The following MYO3B variants were observed in gnomAD, a reference collection of about 807,000 sequenced individuals.
MYO3B encodes myosin-IIIb.
In MYO3B, 156 loss-of-function variants were observed where a neutral mutation model predicts 174.6. The ratio of observed to expected loss-of-function variants is 0.89; its 90% CI spans 0.78 to 1.02. The LOEUF is 1.02. Ranked by LOEUF, MYO3B falls within the 50% of genes least tolerant of loss-of-function variation. MYO3B has a pLI of 0.00. For missense variants in MYO3B, 1,632 were observed against 1,639.4 expected, an observed-to-expected ratio of 1.00 and a Z score of 0.08; for synonymous variants, 563 against 569.1, an observed-to-expected ratio of 0.99 and a Z score of 0.15.
chr2:170,384,407 T>G (rs2094358289), intron 12 of MYO3B, among the ~76,000 whole-genome samples: 1 of 152,200 alleles, frequency 6.6e-6, no homozygotes, highest in African/African-American at 2.4e-5. Context: ...TTCTTTACTT[T>G]CAATAGGTAT....
chr2:170,214,964 A>G, intron 5 of MYO3B, 136 bp downstream of exon 5: 51 of 634,496 alleles, frequency 8.0e-5, no homozygotes, highest in South Asian at 1.2e-4. Context: ...CACAAGCTGG[A>G]GGGGGTGGGG....
rs113951822 is a variant in MYO3B at position 170,495,580 on chromosome 2, TAA to T, written c.3015-3002_3015-3001del. Among the ~76,000 whole-genome samples the T allele has an allele frequency of 1.8e-3, 264 of 147,430 alleles. 2 individuals carry two copies. Among genetic ancestry groups the T allele is most frequent in the African/African-American group, 6.1e-3 (250 of 40,664 alleles). ...TGCCTATTTAGAAACTAACAGTTGC[TAA>T]AAAAAAAAACACCCACAGATGTCCG... On this transcript the variant is annotated intron_variant, in intron 25 of 34. Coordinates refer to ENST00000408978, the MANE Select transcript of MYO3B (RefSeq NM_138995.5).
At chr2:170,323,283 T>G (rs1259501770) in intron 7 of MYO3B, among the ~76,000 whole-genome samples, 1 of 152,242 alleles carries the variant, frequency 6.6e-6, no homozygotes, top group African/African-American at 2.4e-5. Context: ...TCTCAGCTCA[T>G]ACTCTATCGC....
At chr2:170,182,168 A>AT (rs892458724) in intron 1 of MYO3B, among the ~76,000 whole-genome samples, 2 of 151,932 alleles carry the variant, frequency 1.3e-5, no homozygotes, top group Non-Finnish European at 2.9e-5. Flanking sequence ...ATGTTTATCA[A>AT]TTTTTTTCTT....
intron 24 of MYO3B, among the ~76,000 whole-genome samples, chr2:170,464,727 C>A (rs993143947): frequency 3.9e-5 from 6 of 152,138 alleles, no homozygotes; most frequent in African/African-American, 1.2e-4. Flanking sequence ...CCTCATCATT[C>A]TGATGTTTGG....
chr2:170,418,911 G>T (rs2094598084), intron 22 of MYO3B, among the ~76,000 whole-genome samples: 1 of 152,280 alleles, frequency 6.6e-6, no homozygotes, highest in East Asian at 1.9e-4. Flanking sequence ...AAGGTAACTA[G>T]AGAGCAAGAG....
At chr2:170,544,090 C>A in intron 32 of MYO3B, 102 bp downstream of exon 32, 1 of 896,130 alleles carries the variant, frequency 1.1e-6, no homozygotes, top group Non-Finnish European at 1.7e-6. Context: ...AGTAATATGA[C>A]CAAATGTTGG....
intron 14 of MYO3B, 142 bp downstream of exon 14, chr2:170,387,450 T>A: frequency 1.2e-6 from 1 of 800,582 alleles, no homozygotes; most frequent in Non-Finnish European, 1.9e-6. Flanking sequence ...AAGCAAAGGA[T>A]CAGTGGTAGT....
rs371300204 is a variant in MYO3B at position 170,501,805 on chromosome 2, C to G, written c.3310C>G (p.Arg1104Gly). 2 of 1,611,546 alleles carry G rather than the reference C, an allele frequency of 1.2e-6. No individual in the cohort carries two copies. Among genetic ancestry groups the G allele is most frequent in the East Asian group, 2.2e-5 (1 of 44,846 alleles). Reference protein sequence around the residue: ...IQSAWRGYDARRKFKKISNRR... With the variant: ...IQSAWRGYDAGRKFKKISNRR... ...TTTAGCCTGGAGAGGATATGATGCT[C>G]GGAGGAAATTTAAGAAAATAAGCAA... is the stretch of plus-strand genomic sequence containing the variant. The change falls in exon 28 of 35, where the codon CGG (arginine) becomes GGG (glycine). Residue 1104 changes from arginine (R) to glycine (G), a missense_variant. Coordinates refer to ENST00000408978, the MANE Select transcript of MYO3B (RefSeq NM_138995.5).
chr2:170,580,371 C>CT (rs1160540449), intron 32 of MYO3B, among the ~76,000 whole-genome samples: 1 of 152,218 alleles, frequency 6.6e-6, no homozygotes, highest in Non-Finnish European at 1.5e-5. Flanking sequence ...GGCACAGTGG[C>CT]TCATGCCTGT....
intron 32 of MYO3B, among the ~76,000 whole-genome samples, chr2:170,651,202 A>G (rs1376508308): frequency 2.6e-5 from 4 of 151,832 alleles, no homozygotes; most frequent in Non-Finnish European, 5.9e-5. Context: ...TTTGCTTCTC[A>G]CCTCCCCAAG....
At chr2:170,453,136 TAAAAC>T (rs1208047019) in intron 23 of MYO3B, among the ~76,000 whole-genome samples, 1 of 152,092 alleles carries the variant, frequency 6.6e-6, no homozygotes, top group Non-Finnish European at 1.5e-5. Context: ...TTTAAGGACA[TAAAAC>T]AACATGAGAA....
intron 32 of MYO3B, among the ~76,000 whole-genome samples, chr2:170,636,198 A>G (rs920422059): frequency 3.3e-5 from 5 of 152,152 alleles, no homozygotes; most frequent in African/African-American, 9.7e-5. Flanking sequence ...TTGGCCATAC[A>G]CTTGGTCTTG....
chr2:170,321,360 A>G (rs536664827), intron 7 of MYO3B, among the ~76,000 whole-genome samples: 2 of 152,312 alleles, frequency 1.3e-5, no homozygotes, highest in South Asian at 2.1e-4. Flanking sequence ...TATATAAATC[A>G]TGAGCTTTTT....
Position 170,401,473 on chromosome 2 carries a change from T to A in MYO3B, c.1919-8T>A. 1 of 1,613,806 alleles carries A rather than the reference T, an allele frequency of 6.2e-7. No individual in the cohort carries two copies. The highest frequency in any genetic ancestry group is 1.1e-5 in the South Asian group (1 of 91,054). On this transcript the variant is annotated splice_polypyrimidine_tract_variant and splice_region_variant and intron_variant, in intron 17 of 34. Coordinates refer to ENST00000408978, the MANE Select transcript of MYO3B (RefSeq NM_138995.5). ...TACATTCTGTGTTATCCTTACTCTTTGTTTCAGCTGCCTCTGTTCTGTGCA... is the reference window on the plus strand; with the variant it reads ...TACATTCTGTGTTATCCTTACTCTTAGTTTCAGCTGCCTCTGTTCTGTGCA...
At chr2:170,622,631 G>C (rs1276256707) in intron 32 of MYO3B, among the ~76,000 whole-genome samples, 2 of 151,936 alleles carry the variant, frequency 1.3e-5, no homozygotes, top group African/African-American at 4.8e-5. Flanking sequence ...GTGCAGGTTT[G>C]TTACATATGT....
At chr2:170,245,548 G>A (rs984968623) in intron 7 of MYO3B, among the ~76,000 whole-genome samples, 6 of 152,162 alleles carry the variant, frequency 3.9e-5, no homozygotes, top group Admixed American at 6.5e-5. Context: ...ATTTCAAACC[G>A]GGATTCAGAT....
intron 8 of MYO3B, among the ~76,000 whole-genome samples, chr2:170,362,914 C>T (rs141540088): frequency 6.6e-6 from 1 of 152,174 alleles, no homozygotes; most frequent in African/African-American, 2.4e-5. Flanking sequence ...TTGTCATAGT[C>T]TTGTCTTGCA....
intron 32 of MYO3B, among the ~76,000 whole-genome samples, chr2:170,604,925 CTCTT>C (rs1641742741): frequency 6.6e-6 from 1 of 152,208 alleles, no homozygotes; most frequent in South Asian, 2.1e-4. Context: ...TTCACAGTCT[CTCTT>C]TAACATAAAC....
Sources: allele counts gnomAD v4.1 joint callset (sites outside exome capture counted in the v4.1 genomes callset), GRCh38; gene constraint gnomAD v4.1.1; transcripts MANE v1.5; gene names NCBI Gene and HGNC (gene_info 2026-07-23, HGNC 2026-07-21).